CDK10: variants seen among roughly 807,000 people sequenced by gnomAD.
The protein encoded by CDK10 is cyclin-dependent kinase 10.
Under a neutral mutation model 51.0 loss-of-function variants are expected in CDK10, and 55 were observed. The observed-to-expected ratio is 1.08, with a 90% CI of 0.87 to 1.35. The LOEUF (loss-of-function observed/expected upper bound fraction) is 1.35. CDK10 is among the 40% of genes most tolerant of loss of function. The probability of loss-of-function intolerance (pLI) is 0.00; values close to 1 mark genes in which losing one functional copy is unlikely to be tolerated. For missense variants in CDK10, 589 were observed against 485.1 expected (o/e 1.21, Z -2.01); for synonymous variants, 255 against 199.1 (o/e 1.28, Z -2.36).
At chr16:89,693,945 G>A (rs2060572414) in intron 8 of CDK10, 2 of 603,970 alleles carry the variant, frequency 3.3e-6, no homozygotes, top group Non-Finnish European at 3.0e-6. Context: ...TGTGTGCCGA[G>A]GGTCCGTGGT....
intron 11 of CDK10, 79 bp from the exon 12 acceptor site, chr16:89,695,214 G>T: frequency 6.5e-7 from 1 of 1,545,552 alleles, no homozygotes; most frequent in South Asian, 1.2e-5. Flanking sequence ...TTGAGCATTT[G>T]AATCACAGGC....
intron 1 of CDK10, chr16:89,687,378 G>T: frequency 2.3e-6 from 1 of 436,320 alleles, no homozygotes; most frequent in Non-Finnish European, 4.7e-6. Flanking sequence ...TTTGGCCGCT[G>T]GTTTGTGTTT....
chr16:89,694,954 CG>C lies in CDK10; in HGVS notation c.818del (p.Gly273AlafsTer13). ...AGGGCTTTTCCAAGCTGCCACTGGT[CG>C]GCCAGTACAGCCTCCGGAAGCAGCC... ...WPGFSKLPLV[G>X]QYSLRKQPYN... On this transcript the variant is annotated frameshift_variant, in exon 11 of 13. Coordinates refer to ENST00000353379, the MANE Select transcript of CDK10 (RefSeq NM_052988.5). LOFTEE classifies it high-confidence loss of function. The C allele has an allele frequency of 6.2e-7, 1 of 1,613,194 alleles. No individual in the cohort carries two copies.
rs745633752 is a variant in CDK10, at chr16:89,694,739, T to C, written c.743T>C (p.Ile248Thr). Reference sequence around the variant, plus strand: ...CCCGGCACTTCCGAGATCCACCAGATCGACTTGATCGTGCAGCTGCTGGGC... The same window carrying C: ...CCCGGCACTTCCGAGATCCACCAGACCGACTTGATCGTGCAGCTGCTGGGC... ...LLPGTSEIHQIDLIVQLLGTP... is the reference protein window; with the variant it reads ...LLPGTSEIHQTDLIVQLLGTP... The change falls in exon 10 of 13, where the codon ATC becomes ACC. Residue 248 changes from isoleucine (I) to threonine (T), a missense_variant. By Grantham distance (89) the Ile-to-Thr change is moderately conservative (BLOSUM62 -1). Coordinates refer to ENST00000353379, the MANE Select transcript of CDK10 (RefSeq NM_052988.5). 11 of 1,575,348 alleles carry C rather than the reference T, an allele frequency of 7.0e-6. No individual in the cohort carries two copies. Among genetic ancestry groups the C allele is most frequent in the Non-Finnish European group, 9.5e-6 (11 of 1,161,388 alleles).
At position 89,687,523 on chromosome 16, in the gene CDK10, C is replaced by T. The variant is rs145427424; in HGVS notation, c.87+726C>T. On this transcript the variant is annotated intron_variant, in intron 1 of 12. Coordinates refer to ENST00000353379, the MANE Select transcript of CDK10 (RefSeq NM_052988.5). ...AGCAGGCGCTCACCGCGTTGAGAGC[C>T]GTGTGCTGGACTCTGGGGTGAAGTA... The T allele has an allele frequency of 4.6e-4, 210 of 456,138 alleles. 1 individual carries two copies. Among genetic ancestry groups the T allele is most frequent in the Middle Eastern group, 1.6e-3 (5 of 3,074 alleles). 28.3% of individuals were successfully genotyped at this position (456,138 alleles called of 1,614,324 possible). A position where few individuals can be genotyped will look rare whatever the true frequency, so the allele number is the denominator to read the frequency against.
At chr16:89,687,647 T>G (rs1316660258) in intron 1 of CDK10, 2 of 443,444 alleles carry the variant, frequency 4.5e-6, no homozygotes, top group Admixed American at 2.4e-5. Flanking sequence ...CAGTGCATCG[T>G]CAGCCTCCTG....
At position 89,695,861 on chromosome 16, in the gene CDK10, G is replaced by A; in HGVS notation, c.*169G>A. ...CACTGTCTGCCCTGAACCCACTGCT[G>A]CCCCCAGAAAAAGGCCGGGTGACAC... On this transcript the variant is annotated 3_prime_UTR_variant, in exon 13 of 13. Transcript: ENST00000353379. 6.8e-7 allele frequency: 1 copy of A among 1,477,276 alleles called. No homozygotes were observed. Among genetic ancestry groups the A allele is most frequent in the Non-Finnish European group, 9.1e-7 (1 of 1,093,128 alleles). The allele number at this position is 1,477,276 out of a possible 1,614,324, so 91.5% of individuals were successfully genotyped here. A position where few individuals can be genotyped will look rare whatever the true frequency, so the allele number is the denominator to read the frequency against.
chr16:89,690,707 C>T, intron 3 of CDK10, 83 bp downstream of exon 3: 1 of 1,203,962 alleles, frequency 8.3e-7, no homozygotes, highest in Non-Finnish European at 1.2e-6. Context: ...CTCAGAGCGA[C>T]TGCACGGTGC....
At chr16:89,689,801 A>T (rs1006393977) in intron 2 of CDK10, 2 of 155,556 alleles carry the variant, frequency 1.3e-5, no homozygotes, top group Admixed American at 6.4e-5. Flanking sequence ...CTCCCACCTC[A>T]GCCTCCTGAG....
chr16:89,689,218 A>G (rs774747283), intron 1 of CDK10, 34 bp from the exon 2 acceptor site: 20 of 1,610,280 alleles, frequency 1.2e-5, no homozygotes, highest in Non-Finnish European at 1.7e-5. Context: ...ATCAGCTGCC[A>G]AATTTCCACA....
chr16:89,689,478 A>ATG, intron 2 of CDK10, 154 bp downstream of exon 2: 1 of 652,534 alleles, frequency 1.5e-6, no homozygotes, highest in Non-Finnish European at 2.8e-6. Context: ...TCAATTCCTG[A>ATG]TGTAGTTATC....
chr16:89,686,708 G>T lies in CDK10; in HGVS notation c.-3G>T. 2 of 1,591,050 alleles carry T rather than the reference G, an allele frequency of 1.3e-6. No individual in the cohort carries two copies. The highest frequency in any genetic ancestry group is 1.7e-6 in the Non-Finnish European group (2 of 1,170,088). On this transcript the variant is annotated 5_prime_UTR_variant, in exon 1 of 13. Transcript: ENST00000353379. Reference sequence around the variant, plus strand: ...CGCAAGAGAGGCGGGGCCAGCGCTCGGCATGGCGGAGCCAGATCTGGAGTG... The same window carrying T: ...CGCAAGAGAGGCGGGGCCAGCGCTCTGCATGGCGGAGCCAGATCTGGAGTG...
chr16:89,689,351 G>A lies in CDK10; in HGVS notation c.160+27G>A, dbSNP rs534206293. The A allele has an allele frequency of 2.5e-6, 4 of 1,601,988 alleles. No individual in the cohort carries two copies. In the East Asian group the frequency reaches 6.7e-5, roughly 27 times the overall value. On this transcript the variant is annotated intron_variant, in intron 2 of 12. Coordinates refer to ENST00000353379, the MANE Select transcript of CDK10 (RefSeq NM_052988.5). ...TGAGTGGCCAAGGCTAGGACATGTGGCCGCAGCTCGTGGCTGTGACAGTGT... is the reference window on the plus strand; with the variant it reads ...TGAGTGGCCAAGGCTAGGACATGTGACCGCAGCTCGTGGCTGTGACAGTGT...
At chr16:89,690,218 T>C (rs1204942214) in intron 2 of CDK10, 2 of 316,246 alleles carry the variant, frequency 6.3e-6, no homozygotes, top group East Asian at 1.2e-4. Flanking sequence ...GTACCTTATT[T>C]GCTTTTAGGA....
chr16:89,693,383 C>G lies in CDK10; in HGVS notation c.539-15C>G. On this transcript the variant is annotated splice_polypyrimidine_tract_variant and intron_variant, in intron 7 of 12. Transcript: ENST00000353379. ...AGATGGCACTTGGTGACACACACTC[C>G]CCTCTCTGCTGCAGCGGATTTCGGC... 1 of 1,614,152 alleles carries G rather than the reference C, an allele frequency of 6.2e-7. No individual in the cohort carries two copies. The highest frequency in any genetic ancestry group is 1.1e-5 in the South Asian group (1 of 91,082).
In CDK10 at chr16:89,695,040, A is replaced by C. The variant is rs1045488108; in HGVS notation, c.902A>C (p.His301Pro). The C allele has an allele frequency of 1.2e-6, 2 of 1,613,126 alleles. No homozygotes were observed. Among genetic ancestry groups the C allele is most frequent in the Admixed American group, 3.3e-5 (2 of 59,994 alleles). The change falls in exon 11 of 13, where the codon CAC (histidine) becomes CCC (proline). Residue 301 changes from histidine to proline, a missense_variant. Transcript: ENST00000353379. ...WLSEAGLRLL[H>P]FLFMYDPKKR... ...TCGGAGGCCGGGCTGCGCCTGCTGC[A>C]CTTCCTGTTCATGTACGACCCTAAG... is the stretch of plus-strand genomic sequence containing the variant.
intron 8 of CDK10, 115 bp from the exon 9 acceptor site, chr16:89,694,058 C>A: frequency 9.8e-7 from 1 of 1,022,648 alleles, no homozygotes; most frequent in East Asian, 2.5e-5. Flanking sequence ...AGAGGGTGGT[C>A]CGAGTTGGGA....
At chr16:89,689,395 C>A in intron 2 of CDK10, 71 bp downstream of exon 2, 1 of 1,399,424 alleles carries the variant, frequency 7.1e-7, no homozygotes, top group Non-Finnish European at 1.0e-6. Context: ...ACTGTCGAAG[C>A]AGCAGCCGCG....
rs148309930 is a variant in CDK10, at chr16:89,694,326, C to G, written c.668+94C>G. 2.3e-6 allele frequency: 3 copies of G among 1,312,526 alleles called. No individual in the cohort carries two copies. The Admixed American group carries it at 5.6e-5, about 25-fold the overall frequency. The allele number at this position is 1,312,526 out of a possible 1,614,324, so 81.3% of individuals were successfully genotyped here. A position where few individuals can be genotyped will look rare whatever the true frequency, so the allele number is the denominator to read the frequency against. The stretch of plus-strand genomic sequence containing the variant: ...CCTGAGCTCAGCCTCAGGGGAGGGG[C>G]AGGAGTGCAGTGGGGTCTTTGCCAG... On this transcript the variant is annotated intron_variant, in intron 9 of 12. Coordinates refer to ENST00000353379, the MANE Select transcript of CDK10 (RefSeq NM_052988.5).
Sources: gnomAD v4.1 joint callset for allele counts on GRCh38, gnomAD v4.1.1 for gene constraint, MANE v1.5 for transcripts, NCBI Gene and HGNC (gene_info 2026-07-23, HGNC 2026-07-21) for gene names.